Variants in PRKN observed in about 807,000 individuals in gnomAD.
PRKN encodes parkin RBR E3 ubiquitin protein ligase, also known as E3 ubiquitin-protein ligase parkin.
PRKN carries 56 observed loss-of-function variants against 59.5 expected under a neutral mutation model. The observed-to-expected ratio is 0.94, with a 90% CI of 0.76 to 1.18. The LOEUF (loss-of-function observed/expected upper bound fraction) is 1.18, where lower values mean the gene tolerates loss of function less well. Among genes scored for constraint, PRKN ranks in the 50% most tolerant of loss-of-function variants. PRKN has a pLI of 0.00. For synonymous variants in PRKN, 250 were observed against 222.1 expected, an observed-to-expected ratio of 1.13 and a Z score of -1.12; for missense variants, 657 against 596.4, an observed-to-expected ratio of 1.10 and a Z score of -1.06.
intron 9 of PRKN, among the ~76,000 whole-genome samples, chr6:161,474,585 T>C (rs147641183): frequency 6.6e-6 from 1 of 151,982 alleles, no homozygotes; most frequent in Non-Finnish European, 1.5e-5. Context: ...ATACCAACTA[T>C]GTTCACCATT....
At chr6:161,885,643 T>C (rs560899504) in intron 6 of PRKN, among the ~76,000 whole-genome samples, 22 of 137,736 alleles carry the variant, frequency 1.6e-4, no homozygotes, top group South Asian at 7.0e-4. Flanking sequence ...CCAGCCTGGG[T>C]GACAGAGCGA....
chr6:161,516,826 C>CAAAAAAAAAA (rs369136348), intron 9 of PRKN, among the ~76,000 whole-genome samples: 21 of 63,184 alleles, frequency 3.3e-4, no homozygotes, highest in Admixed American at 6.5e-4. Flanking sequence ...GACTCAATCT[C>CAAAAAAAAAA]AAAAAAAAAA....
rs1272246029 is a variant in PRKN, at chr6:161,445,233, C to T, written c.1084-58356G>A. 6.6e-6 allele frequency among the ~76,000 whole-genome samples: 1 copy of T among 152,154 alleles called. No homozygotes were observed. Among genetic ancestry groups the T allele is most frequent in the Non-Finnish European group, 1.5e-5 (1 of 68,036 alleles). On this transcript the variant is annotated intron_variant, in intron 9 of 11. Transcript: ENST00000366898. This position sits in a 1 kb window ranked among gnomAD's most constrained non-coding sequence, Gnocchi z 7.7. ...AGGGGGCTCAACTTTCTGACGGCCACTTAGAGGCTGCCTGACCACAAAGAC... is the reference window on the plus strand; with the variant it reads ...AGGGGGCTCAACTTTCTGACGGCCATTTAGAGGCTGCCTGACCACAAAGAC...
rs934924362 is a variant in PRKN, at chr6:161,582,617, T to C, written c.872-13201A>G. ...AATTGTTTTGTAGTTTTAGTAGAGA[T>C]GGGGTTTCACCATGTTAGCCAGGAT... On this transcript the variant is annotated intron_variant, in intron 7 of 11. Coordinates refer to ENST00000366898, the MANE Select transcript of PRKN (RefSeq NM_004562.3). The surrounding 1 kb of genome is among the most constrained non-coding windows in gnomAD (Gnocchi z 4.4). Among the ~76,000 whole-genome samples, 7 of 151,928 alleles carry C rather than the reference T, an allele frequency of 4.6e-5. No individual in the cohort carries two copies. Among genetic ancestry groups the C allele is most frequent in the Middle Eastern group, 3.2e-3 (1 of 314 alleles).
At chr6:162,469,318 T>C (rs1384529573) in intron 1 of PRKN, among the ~76,000 whole-genome samples, 1 of 126,602 alleles carries the variant, frequency 7.9e-6, no homozygotes, top group Non-Finnish European at 1.6e-5. Context: ...TAATGAAGAA[T>C]TTGTGGAATG....
chr6:162,018,070 A>G (rs1483364071), intron 5 of PRKN, among the ~76,000 whole-genome samples: 1 of 152,154 alleles, frequency 6.6e-6, no homozygotes, highest in African/African-American at 2.4e-5. Flanking sequence ...TCTGTCACCC[A>G]GGCTGGAGTG....
At chr6:161,613,642 A>C (rs1782567834) in intron 7 of PRKN, among the ~76,000 whole-genome samples, 1 of 152,156 alleles carries the variant, frequency 6.6e-6, no homozygotes, top group Non-Finnish European at 1.5e-5. Context: ...AGCCACGTCA[A>C]GCTTCAGCAG....
chr6:162,610,509 C>T (rs748742854), intron 1 of PRKN, among the ~76,000 whole-genome samples: 10 of 152,210 alleles, frequency 6.6e-5, no homozygotes, highest in Non-Finnish European at 1.2e-4. Context: ...TAACAAGTAA[C>T]GTTAAACTAT....
In PRKN at chr6:161,759,245, T is replaced by C. The variant is rs1478793509; in HGVS notation, c.871+26527A>G. Among the ~76,000 whole-genome samples, 21 of 152,060 alleles carry C rather than the reference T, an allele frequency of 1.4e-4. 1 individual carries two copies. The highest frequency in any genetic ancestry group is 1.4e-3 in the Admixed American group (21 of 15,268). On this transcript the variant is annotated intron_variant, in intron 7 of 11. Transcript: ENST00000366898. ...AAGACATCAAAATTCCTTCAAGTTG[T>C]GTAATCAGGATGGCAAGCATTTTAA...
chr6:162,292,183 C>T (rs1562645617), intron 2 of PRKN, among the ~76,000 whole-genome samples: 1 of 151,988 alleles, frequency 6.6e-6, no homozygotes, highest in Non-Finnish European at 1.5e-5. Context: ...AGGCTAGTCT[C>T]CAACTCCTGA....
At chr6:162,670,526 A>T (rs1325052024) in intron 1 of PRKN, among the ~76,000 whole-genome samples, 1 of 152,188 alleles carries the variant, frequency 6.6e-6, no homozygotes, top group Non-Finnish European at 1.5e-5. Context: ...GCAGCTCTTT[A>T]TCTATGCTGG....
At chr6:162,389,850 A>C (rs1276254880) in intron 2 of PRKN, among the ~76,000 whole-genome samples, 1 of 152,210 alleles carries the variant, frequency 6.6e-6, no homozygotes, top group African/African-American at 2.4e-5. Context: ...AGCTTCCTAC[A>C]TACTCTTTGC....
intron 1 of PRKN, among the ~76,000 whole-genome samples, chr6:162,624,181 G>A (rs1159822212): frequency 6.6e-6 from 1 of 151,238 alleles, no homozygotes; most frequent in Admixed American, 6.6e-5. Context: ...CCAGGAGGCG[G>A]AGGTTGCAGT....
chr6:162,625,140 C>T (rs1158231806), intron 1 of PRKN, among the ~76,000 whole-genome samples: 1 of 152,176 alleles, frequency 6.6e-6, no homozygotes, highest in Admixed American at 6.5e-5. Context: ...CCAGATAGAA[C>T]CAGCTCCATC....
Position 162,143,931 on chromosome 6 carries a change from T to C in PRKN, c.534+57200A>G, listed in dbSNP as rs969539804. ...TATTTCTGAATCAAACTGTTATTAG[T>C]CATTAGGGTCAAAAATATATAATTT... On this transcript the variant is annotated intron_variant, in intron 4 of 11. Coordinates refer to ENST00000366898, the MANE Select transcript of PRKN (RefSeq NM_004562.3). 5.3e-5 allele frequency among the ~76,000 whole-genome samples: 8 copies of C among 152,142 alleles called. No individual in the cohort carries two copies. The South Asian group carries it at 1.5e-3, about 28-fold the overall frequency.
intron 6 of PRKN, among the ~76,000 whole-genome samples, chr6:161,832,791 T>C (rs1022527321): frequency 1.3e-5 from 2 of 152,028 alleles, no homozygotes; most frequent in Non-Finnish European, 2.9e-5. Flanking sequence ...ACGGTCTGTC[T>C]GGAGAAAGCT....
intron 7 of PRKN, among the ~76,000 whole-genome samples, chr6:161,777,566 T>C (rs1789977667): frequency 6.6e-6 from 1 of 150,786 alleles, no homozygotes; most frequent in South Asian, 2.1e-4. Context: ...TAGAAATGAA[T>C]ATATACAGAC....
intron 1 of PRKN, among the ~76,000 whole-genome samples, chr6:162,594,912 C>T (rs1380990954): frequency 1.3e-5 from 2 of 152,166 alleles, no homozygotes; most frequent in South Asian, 2.1e-4. Flanking sequence ...CGGTGGCTCA[C>T]GCCTGTAATC....
intron 1 of PRKN, among the ~76,000 whole-genome samples, chr6:162,518,370 A>G (rs917437732): frequency 6.6e-6 from 1 of 152,138 alleles, no homozygotes; most frequent in Admixed American, 6.6e-5. Flanking sequence ...TAGCATATTT[A>G]TTGATATATT....
Sources: gnomAD v4.1 joint callset for allele counts (sites outside exome capture counted in the v4.1 genomes callset) on GRCh38, gnomAD v4.1.1 for gene constraint, Gnocchi (gnomAD v3.1) non-coding constraint, MANE v1.5 for transcripts, NCBI Gene and HGNC (gene_info 2026-07-23, HGNC 2026-07-21) for gene names.